LARGE1: variants seen among roughly 807,000 people sequenced by gnomAD.
The protein encoded by LARGE1 is LARGE xylosyl- and glucuronyltransferase 1.
A neutral mutation model predicts 87.6 loss-of-function variants in LARGE1; 43 were observed. The observed-to-expected ratio is 0.49, with a 90% CI of 0.38 to 0.63. The LOEUF (loss-of-function observed/expected upper bound fraction) is 0.63. Among genes scored for constraint, LARGE1 ranks in the 30% least tolerant of loss-of-function variants. LARGE1 has a pLI of 0.00. For synonymous variants in LARGE1, 434 were observed against 394.6 expected, an observed-to-expected ratio of 1.10 and a Z score of -1.18; for missense variants, 802 against 1,000.2, an observed-to-expected ratio of 0.80 and a Z score of 2.67.
At chr22:33,824,822 C>T (rs144324398) in intron 1 of LARGE1, among the ~76,000 whole-genome samples, 463 of 152,232 alleles carry the variant, frequency 3.0e-3, no homozygotes, top group African/African-American at 0.01. Flanking sequence ...TACTGGTACA[C>T]GATATGGCTT....
At chr22:33,504,169 G>GA (rs1241168205) in intron 6 of LARGE1, among the ~76,000 whole-genome samples, 1 of 152,202 alleles carries the variant, frequency 6.6e-6, no homozygotes, top group Non-Finnish European at 1.5e-5. Context: ...TTTCTTTAGG[G>GA]AGAGTTGAAA....
chr22:33,077,232 T>C, the LARGE1 span, among the ~76,000 whole-genome samples: 1 of 152,194 alleles, frequency 6.6e-6, no homozygotes, highest in Non-Finnish European at 1.5e-5. Context: ...GAGTGCTTAT[T>C]ATGTACCAGG....
intron 2 of LARGE1, among the ~76,000 whole-genome samples, chr22:33,709,944 T>C (rs2082680282): frequency 6.8e-6 from 1 of 146,062 alleles, no homozygotes; most frequent in Admixed American, 7.0e-5. Context: ...GCTACTTTGA[T>C]GTACTTTCCT....
At chr22:33,523,739 C>T (rs2071731696) in intron 6 of LARGE1, among the ~76,000 whole-genome samples, 1 of 151,374 alleles carries the variant, frequency 6.6e-6, no homozygotes, top group Admixed American at 6.6e-5. Flanking sequence ...TTAAAAATAA[C>T]TTTATTTTGA....
intron 5 of LARGE1, among the ~76,000 whole-genome samples, chr22:33,592,649 TAAAAC>T (rs1015933667): frequency 9.2e-5 from 14 of 152,284 alleles, no homozygotes; most frequent in Admixed American, 3.3e-4. Flanking sequence ...GCAACTGACT[TAAAAC>T]AATTATTTAC....
chr22:33,075,706 T>G, the LARGE1 span, among the ~76,000 whole-genome samples: 3 of 152,350 alleles, frequency 2.0e-5, no homozygotes, highest in Non-Finnish European at 4.4e-5. Flanking sequence ...CTGACTATTA[T>G]AGTAAATATG....
At position 33,235,379 on chromosome 22, in the gene LARGE1, T is replaced by C. The variant is rs902792160; in HGVS notation, c.1731-68547A>G. Among the ~76,000 whole-genome samples the C allele has an allele frequency of 2.6e-5, 4 of 152,200 alleles. No individual in the cohort carries two copies. In the East Asian group the frequency reaches 5.8e-4, roughly 22 times the overall value. On this transcript the variant is annotated intron_variant, in intron 11 of 11. Coordinates refer to the LARGE1 transcript ENST00000608642. ...AATATTTGCCCTCAGACCTGCATGT[T>C]AAGGAGCTGTCCATGTGAATGCTTG...
chr22:33,817,286 C>A (rs1296516882), intron 1 of LARGE1, among the ~76,000 whole-genome samples: 1 of 152,156 alleles, frequency 6.6e-6, no homozygotes, highest in Non-Finnish European at 1.5e-5. Flanking sequence ...CAGGTACTGA[C>A]ACCTCCACTT....
At position 33,277,041 on chromosome 22, in the gene LARGE1, G is replaced by T; in HGVS notation, c.2073+19C>A. 6.2e-7 allele frequency: 1 copy of T among 1,612,746 alleles called. No individual in the cohort carries two copies. The highest frequency in any genetic ancestry group is 8.5e-7 in the Non-Finnish European group (1 of 1,178,754). ...TCTCCCCCGTCGACCATACCAGGTG[G>T]ATGCTCCGTTCTTCTCACCTGCACA... On this transcript the variant is annotated intron_variant, in intron 14 of 14. Transcript: ENST00000397394.
chr22:33,818,810 G>A (rs1601692323), intron 1 of LARGE1, among the ~76,000 whole-genome samples: 1 of 152,256 alleles, frequency 6.6e-6, no homozygotes, highest in Middle Eastern at 3.4e-3. Context: ...CTTTTTCGAG[G>A]CAAATTGGCA....
At chr22:33,389,639 G>T (rs1486615083) in intron 7 of LARGE1, among the ~76,000 whole-genome samples, 6 of 152,212 alleles carry the variant, frequency 3.9e-5, no homozygotes, top group Admixed American at 3.9e-4. Context: ...GAGGTCAGGA[G>T]TTTGAGACCA....
exon 12 of LARGE1, chr22:33,165,682 C>G (rs1463120967): frequency 6.6e-6 from 1 of 152,198 alleles, no homozygotes; most frequent in African/African-American, 2.4e-5. Flanking sequence ...AAACATCACT[C>G]TAACATCCCT....
chr22:33,781,199 C>T (rs949058168), intron 1 of LARGE1, among the ~76,000 whole-genome samples: 1 of 152,124 alleles, frequency 6.6e-6, no homozygotes, highest in Admixed American at 6.5e-5. Context: ...TTTTCCAAAT[C>T]TATAATTTCA....
At chr22:33,467,202 C>T (rs1212204376) in intron 6 of LARGE1, among the ~76,000 whole-genome samples, 1 of 152,206 alleles carries the variant, frequency 6.6e-6, no homozygotes, top group Non-Finnish European at 1.5e-5. Context: ...TCTCCCACCT[C>T]ATAGCTGTAT....
chr22:33,332,496 A>G (rs8139132), intron 10 of LARGE1, among the ~76,000 whole-genome samples: 19,612 of 152,162 alleles, frequency 0.13, 3,115 homozygotes, highest in African/African-American at 0.38. Context: ...AGTGGATGAA[A>G]GGAGTCTTAA....
At chr22:33,845,284 T>A (rs1260803097) in intron 1 of LARGE1, among the ~76,000 whole-genome samples, 2 of 152,134 alleles carry the variant, frequency 1.3e-5, no homozygotes, top group Admixed American at 6.5e-5. Flanking sequence ...GGATGGGATG[T>A]ATAATGGATC....
At chr22:33,492,442 T>C (rs1355442304) in intron 6 of LARGE1, among the ~76,000 whole-genome samples, 2 of 152,220 alleles carry the variant, frequency 1.3e-5, no homozygotes, top group African/African-American at 4.8e-5. Flanking sequence ...CCTTTACATC[T>C]GTGAATCTCC....
chr22:33,897,165 G>A (rs1295589738), intron 1 of LARGE1, among the ~76,000 whole-genome samples: 2 of 152,120 alleles, frequency 1.3e-5, no homozygotes, highest in Non-Finnish European at 2.9e-5. Flanking sequence ...TGAAATGAAA[G>A]CCTCAGGTTG....
chr22:33,302,071 C>G (rs1428127510), intron 12 of LARGE1, among the ~76,000 whole-genome samples: 3 of 152,138 alleles, frequency 2.0e-5, no homozygotes, highest in Non-Finnish European at 4.4e-5. Flanking sequence ...AATCCTGAAG[C>G]CTCTTTTCTT....
Sources: allele counts gnomAD v4.1 joint callset (sites outside exome capture counted in the v4.1 genomes callset), GRCh38; gene constraint gnomAD v4.1.1; transcripts MANE v1.5; gene names NCBI Gene and HGNC (gene_info 2026-07-23, HGNC 2026-07-21).